Variants in RGS12 observed in about 807,000 individuals in gnomAD.
RGS12 encodes regulator of G protein signaling 12, also known as regulator of G-protein signaling 12.
Under a neutral mutation model 120.1 loss-of-function variants are expected in RGS12, and 66 were observed. The observed-to-expected ratio is 0.55, with a 90% CI of 0.45 to 0.67. The LOEUF is 0.67. RGS12 is among the 30% of genes least tolerant of loss of function. RGS12 has a pLI of 0.00. For synonymous variants in RGS12, 827 were observed against 804.7 expected (o/e 1.03, Z -0.47); for missense variants, 1,859 against 1,957.7 (o/e 0.95, Z 0.95).
intron 3 of RGS12, among the ~76,000 whole-genome samples, chr4:3,368,599 T>C (rs1373370682): frequency 8.9e-6 from 1 of 112,546 alleles, no homozygotes; most frequent in Non-Finnish European, 1.8e-5. Flanking sequence ...TGCCTGTGTG[T>C]GTGTGGGTAC....
rs1054667755 is a variant in RGS12, at chr4:3,389,470, G to A, written c.2020+3033G>A. ...GGGCGTTGTGAAGAAATGAGAAAAG[G>A]AAGATGCCCGGTTGCTCCTGGAAAA... On this transcript the variant is annotated intron_variant, in intron 4 of 17. Transcript: ENST00000336727. The surrounding 1 kb of genome is among the most constrained non-coding windows in gnomAD (Gnocchi z 5.2). 1.3e-5 allele frequency among the ~76,000 whole-genome samples: 2 copies of A among 152,192 alleles called. No individual in the cohort carries two copies. Among genetic ancestry groups the A allele is most frequent in the Non-Finnish European group, 2.9e-5 (2 of 68,038 alleles).
intron 3 of RGS12, among the ~76,000 whole-genome samples, chr4:3,358,431 G>A (rs1372282211): frequency 6.6e-6 from 1 of 152,038 alleles, no homozygotes; most frequent in African/African-American, 2.4e-5. Flanking sequence ...GAAAAGCTTT[G>A]TCATTCTCCA....
chr4:3,422,703 G>T, intron 11 of RGS12, 133 bp downstream of exon 11: 1 of 1,132,756 alleles, frequency 8.8e-7, no homozygotes, highest in Non-Finnish European at 1.2e-6. Flanking sequence ...GGCGGAGGCC[G>T]GATTATCTGA....
chr4:3,344,788 C>T (rs1232004918), intron 3 of RGS12, among the ~76,000 whole-genome samples: 2 of 152,218 alleles, frequency 1.3e-5, no homozygotes, highest in Non-Finnish European at 2.9e-5. Context: ...TTGCCCCACA[C>T]CTTAAACTTC....
chr4:3,378,349 C>T (rs190480193), intron 3 of RGS12: 52 of 152,178 alleles, frequency 3.4e-4, no homozygotes, highest in Admixed American at 1.8e-3. Context: ...ACATCAGTTT[C>T]GGCGATGATT....
intron 10 of RGS12, 37 bp downstream of exon 10, chr4:3,420,755 G>C (rs1372094308): frequency 6.4e-7 from 1 of 1,557,936 alleles, no homozygotes. Flanking sequence ...CAGGCCTCAG[G>C]GGTGTCCCCA....
intron 3 of RGS12, among the ~76,000 whole-genome samples, chr4:3,373,143 C>T (rs147106552): frequency 3.3e-5 from 5 of 152,280 alleles, no homozygotes; most frequent in East Asian, 3.9e-4. Context: ...ATGAGGAAGA[C>T]GGAGTGTGGT....
intron 1 of RGS12, among the ~76,000 whole-genome samples, chr4:3,300,807 C>T (rs775945819): frequency 6.6e-6 from 1 of 152,240 alleles, no homozygotes; most frequent in Non-Finnish European, 1.5e-5. Flanking sequence ...CCTGTGATTG[C>T]ATTTAGGACC....
rs1044771206 is a variant in RGS12, at chr4:3,310,482, A to G, written c.-101-5588A>G. 2.6e-5 allele frequency among the ~76,000 whole-genome samples: 4 copies of G among 152,178 alleles called. No homozygotes were observed. In the East Asian group the frequency reaches 5.8e-4, roughly 22 times the overall value. On this transcript the variant is annotated intron_variant, in intron 1 of 17. Coordinates refer to ENST00000336727, the MANE Select transcript of RGS12 (RefSeq NM_001394154.1). ...TGGTGATTCCAGAATCTGCCAGCTC[A>G]CTCCCTTTGGCACCGTGTCCTGCTG...
chr4:3,349,198 T>G (rs1714122587), intron 3 of RGS12, among the ~76,000 whole-genome samples: 2 of 152,218 alleles, frequency 1.3e-5, no homozygotes, highest in South Asian at 4.1e-4. Context: ...TTCTTCTAAT[T>G]ATAACCAACT....
chr4:3,431,140 C>T, intron 17 of RGS12, 185 bp downstream of exon 17: 1 of 1,428,244 alleles, frequency 7.0e-7, no homozygotes, highest in Non-Finnish European at 9.1e-7. Flanking sequence ...TGGCCCCAGG[C>T]CAGTGTCTGT....
chr4:3,324,379 A>G (rs750823031), intron 2 of RGS12: 1 of 200,534 alleles, frequency 5.0e-6, no homozygotes, highest in Non-Finnish European at 1.0e-5. Context: ...CAAGTGGTCC[A>G]TCTCTTAGTG....
At chr4:3,301,438 C>T (rs1463939969) in intron 1 of RGS12, among the ~76,000 whole-genome samples, 1 of 152,174 alleles carries the variant, frequency 6.6e-6, no homozygotes, top group African/African-American at 2.4e-5. Context: ...GGTGGGTTAC[C>T]AGGTGTCGGT....
chr4:3,396,832 G>A (rs1253966506), intron 4 of RGS12, among the ~76,000 whole-genome samples: 2 of 151,826 alleles, frequency 1.3e-5, no homozygotes, highest in Admixed American at 1.3e-4. Flanking sequence ...TTGAGACATA[G>A]CATTTCTGGA....
chr4:3,410,854 G>A (rs1721661062), intron 4 of RGS12, among the ~76,000 whole-genome samples: 1 of 152,180 alleles, frequency 6.6e-6, no homozygotes. Flanking sequence ...GCTTGTTGAT[G>A]GTTTTCTTCT....
At chr4:3,373,383 A>G (rs2108902205) in intron 3 of RGS12, among the ~76,000 whole-genome samples, 1 of 152,240 alleles carries the variant, frequency 6.6e-6, no homozygotes, top group East Asian at 1.9e-4. Context: ...CCGCCGCAGG[A>G]CACAAGAGGG....
chr4:3,394,392 A>G (rs570221764), intron 4 of RGS12, among the ~76,000 whole-genome samples: 15 of 152,240 alleles, frequency 9.9e-5, no homozygotes, highest in African/African-American at 3.6e-4. Context: ...CGAACTCCTG[A>G]CCTCAGGTGA....
chr4:3,431,471 C>G, intron 17 of RGS12: 1 of 988,346 alleles, frequency 1.0e-6, no homozygotes, highest in Non-Finnish European at 1.2e-6. Flanking sequence ...CGGCGGCCCC[C>G]GTAGCAGGTG....
chr4:3,396,370 C>T (rs551302785), intron 4 of RGS12, among the ~76,000 whole-genome samples: 3 of 152,298 alleles, frequency 2.0e-5, no homozygotes, highest in East Asian at 3.9e-4. Context: ...AGGCTTTGCC[C>T]TTCCCAAGAC....
Sources: allele counts gnomAD v4.1 joint callset (sites outside exome capture counted in the v4.1 genomes callset), GRCh38; gene constraint gnomAD v4.1.1; non-coding constraint Gnocchi (gnomAD v3.1); transcripts MANE v1.5; gene names NCBI Gene and HGNC (gene_info 2026-07-23, HGNC 2026-07-21).